The following PLPP4 variants were observed in gnomAD, a reference collection of about 807,000 sequenced individuals.
PLPP4 encodes the protein diacylglycerol pyrophosphate like 2.
A neutral mutation model predicts 32.2 loss-of-function variants in PLPP4; 20 were observed. The observed-to-expected ratio is 0.62, with a 90% CI of 0.44 to 0.90. The LOEUF (loss-of-function observed/expected upper bound fraction) is 0.90. Ranked by LOEUF, PLPP4 falls within the 40% of genes least tolerant of loss-of-function variation. The probability of loss-of-function intolerance (pLI) is 0.00; values close to 1 mark genes in which losing one functional copy is unlikely to be tolerated. For synonymous variants in PLPP4, 127 were observed against 133.0 expected (o/e 0.95, Z 0.31); for missense variants, 257 against 353.1 (o/e 0.73, Z 2.18).
chr10:120,524,935 G>A (rs1435205802), intron 5 of PLPP4, among the ~76,000 whole-genome samples: 1 of 152,176 alleles, frequency 6.6e-6, no homozygotes, highest in Non-Finnish European at 1.5e-5. Context: ...ATAGATATGA[G>A]AGAAAAATAG....
At chr10:120,470,250 A>G (rs575216990) in intron 1 of PLPP4, among the ~76,000 whole-genome samples, 3 of 152,316 alleles carry the variant, frequency 2.0e-5, no homozygotes, top group Admixed American at 2.0e-4. Flanking sequence ...TTCTTCAGTG[A>G]AATAGCTGTC....
intron 5 of PLPP4, among the ~76,000 whole-genome samples, chr10:120,543,103 G>T (rs949032611): frequency 5.9e-5 from 9 of 152,202 alleles, no homozygotes; most frequent in Non-Finnish European, 1.3e-4. Context: ...GAGATGAGCA[G>T]TAGGGAAGGG....
intron 5 of PLPP4, among the ~76,000 whole-genome samples, chr10:120,549,250 C>G (rs4752433): frequency 2.6e-5 from 4 of 151,226 alleles, no homozygotes; most frequent in African/African-American, 9.7e-5. Flanking sequence ...AAAAGATAAT[C>G]TTGTGAGCGG....
At chr10:120,589,203 G>T in intron 6 of PLPP4, 100 bp from the exon 7 acceptor site, 1 of 1,180,558 alleles carries the variant, frequency 8.5e-7, no homozygotes, top group Non-Finnish European at 1.2e-6. Context: ...AAGCAAACCA[G>T]GTCCTAGAAC....
At position 120,529,616 on chromosome 10, in the gene PLPP4, G is replaced by A. The variant is rs1009499067; in HGVS notation, c.445+8521G>A. 3.5e-4 allele frequency among the ~76,000 whole-genome samples: 53 copies of A among 152,172 alleles called. 1 individual carries two copies. Among genetic ancestry groups the A allele is most frequent in the African/African-American group, 1.2e-3 (49 of 41,424 alleles). ...AATCTCAGTGCCATGGGAGGCTGAG[G>A]TAGGAGGACCACTTTAGGCCAGGAG... On this transcript the variant is annotated intron_variant, in intron 5 of 6. Transcript: ENST00000398250.
chr10:120,530,446 T>C (rs922575247), intron 5 of PLPP4, among the ~76,000 whole-genome samples: 2 of 152,226 alleles, frequency 1.3e-5, no homozygotes, highest in Non-Finnish European at 2.9e-5. Flanking sequence ...CAGCTTTGGC[T>C]CAGTATGTCT....
rs537060259 is a variant in PLPP4, at chr10:120,514,344, C to G, written c.256+343C>G. On this transcript the variant is annotated intron_variant, in intron 3 of 6. Transcript: ENST00000398250. Reference sequence around the variant, plus strand: ...ACTTTGTTGCCTCTGACTGTCCACTCTCACATTTTTGGCTAATAGACCCAC... The same window carrying G: ...ACTTTGTTGCCTCTGACTGTCCACTGTCACATTTTTGGCTAATAGACCCAC... Among the ~76,000 whole-genome samples, 3 of 152,284 alleles carry G rather than the reference C, an allele frequency of 2.0e-5. No homozygotes were observed. In the South Asian group the frequency reaches 6.2e-4, roughly 32 times the overall value.
chr10:120,510,533 C>T (rs538927643), intron 2 of PLPP4, among the ~76,000 whole-genome samples: 25 of 152,218 alleles, frequency 1.6e-4, no homozygotes, highest in Admixed American at 3.9e-4. Context: ...TTCATCTGCT[C>T]CCCTGGCTCG....
intron 1 of PLPP4, among the ~76,000 whole-genome samples, chr10:120,469,389 G>A (rs930913042): frequency 2.0e-5 from 3 of 151,950 alleles, no homozygotes; most frequent in Middle Eastern, 3.2e-3. Flanking sequence ...CACCATGCCC[G>A]GCTAATTTTT....
intron 5 of PLPP4, among the ~76,000 whole-genome samples, chr10:120,551,415 G>C (rs376708383): frequency 3.3e-5 from 5 of 152,122 alleles, no homozygotes; most frequent in Non-Finnish European, 5.9e-5. Flanking sequence ...ATTCATAAAA[G>C]GTCTTGTACA....
chr10:120,503,888 T>C lies in PLPP4; in HGVS notation c.127T>C (p.Leu43=), dbSNP rs367604096. 49 of 1,613,724 alleles carry C rather than the reference T, an allele frequency of 3.0e-5. No homozygotes were observed. The Middle Eastern group carries it at 6.6e-4, about 22-fold the overall frequency. ...AGAGATCTGGCTCTATAAAAATCCT[T>C]TGGTGCAATCAGATAACATACCTAC... ...PEEIWLYKNP[L]VQSDNIPTRL... is the part of the protein sequence containing the mutation. The change falls in exon 2 of 7, where the codon TTG becomes CTG. Residue 43 remains leucine, a synonymous_variant. Transcript: ENST00000398250.
At chr10:120,529,721 G>T (rs145339385) in intron 5 of PLPP4, among the ~76,000 whole-genome samples, 1 of 152,098 alleles carries the variant, frequency 6.6e-6, no homozygotes, top group African/African-American at 2.4e-5. Flanking sequence ...CAGCTCCTTC[G>T]CTGAGATCTA....
chr10:120,475,886 C>A (rs577997288), intron 1 of PLPP4, among the ~76,000 whole-genome samples: 1 of 122,656 alleles, frequency 8.2e-6, no homozygotes, highest in South Asian at 3.6e-4. Context: ...AGGTTGTTAT[C>A]CTGGCATGAT....
chr10:120,489,908 C>T (rs1336951417), intron 1 of PLPP4, among the ~76,000 whole-genome samples: 1 of 152,130 alleles, frequency 6.6e-6, no homozygotes, highest in Non-Finnish European at 1.5e-5. Flanking sequence ...ATTGATTCAA[C>T]AAATATTTAT....
chr10:120,457,128 C>G (rs892168641), upstream of PLPP4: 5 of 262,130 alleles, frequency 1.9e-5, no homozygotes, highest in Non-Finnish European at 3.5e-5. Context: ...GCCCGAGGCG[C>G]GAGGTTTAGG....
At chr10:120,543,145 C>T (rs544033936) in intron 5 of PLPP4, among the ~76,000 whole-genome samples, 13 of 152,178 alleles carry the variant, frequency 8.5e-5, no homozygotes, top group Non-Finnish European at 1.2e-4. Flanking sequence ...TGAGACCTGC[C>T]TGCCACAGCT....
chr10:120,571,472 TCA>T (rs1483106399), intron 5 of PLPP4, among the ~76,000 whole-genome samples: 1 of 152,092 alleles, frequency 6.6e-6, no homozygotes, highest in Non-Finnish European at 1.5e-5. Context: ...CTCCCCCTCC[TCA>T]CAGTGTGTAA....
chr10:120,508,148 A>T (rs542165485), intron 2 of PLPP4, among the ~76,000 whole-genome samples: 1 of 152,316 alleles, frequency 6.6e-6, no homozygotes, highest in Non-Finnish European at 1.5e-5. Flanking sequence ...CTGGGATAGG[A>T]TGCTTCTAAG....
At chr10:120,536,631 T>C (rs1276798611) in intron 5 of PLPP4, among the ~76,000 whole-genome samples, 1 of 139,622 alleles carries the variant, frequency 7.2e-6, no homozygotes, top group Non-Finnish European at 1.5e-5. Context: ...TTTGGTCTTC[T>C]TGGCAATGGT....
Sources: gnomAD v4.1 joint callset for allele counts (sites outside exome capture counted in the v4.1 genomes callset) on GRCh38, gnomAD v4.1.1 for gene constraint, MANE v1.5 for transcripts, NCBI Gene and HGNC (gene_info 2026-07-23, HGNC 2026-07-21) for gene names.